Variants in WDFY3 observed in about 807,000 individuals in gnomAD.
The protein encoded by WDFY3 is WD repeat and FYVE domain-containing protein 3.
WDFY3 carries 66 observed loss-of-function variants against 409.6 expected under a neutral mutation model. That is an observed-to-expected ratio of 0.16 (90% CI 0.13 to 0.20). The LOEUF is 0.20. Ranked by LOEUF, WDFY3 falls within the 10% of genes least tolerant of loss-of-function variation. The pLI is 1.00. For synonymous variants in WDFY3, 1,521 were observed against 1,537.1 expected (o/e 0.99, Z 0.25); for missense variants, 3,031 against 4,298.1 (o/e 0.71, Z 8.24).
intron 5 of WDFY3, among the ~76,000 whole-genome samples, chr4:84,842,016 C>G (rs543249551): frequency 3.3e-5 from 5 of 152,212 alleles, no homozygotes; most frequent in South Asian, 4.1e-4. Flanking sequence ...GACAGCCAAT[C>G]ACAGAACTGC....
intron 33 of WDFY3, among the ~76,000 whole-genome samples, chr4:84,755,894 T>C (rs1167209842): frequency 2.0e-5 from 3 of 152,212 alleles, no homozygotes; most frequent in East Asian, 1.9e-4. Context: ...ACCATGGATA[T>C]TGAAAAATTG....
intron 1 of WDFY3, chr4:84,965,687 G>C (rs1328527900): frequency 6.6e-6 from 1 of 152,286 alleles, no homozygotes; most frequent in Non-Finnish European, 1.5e-5. Context: ...CGTAGGGGGA[G>C]AGGCCCGAAG....
In WDFY3 at chr4:84,895,886, A is replaced by T. The variant is rs79851563; in HGVS notation, c.-32+1025T>A. Among the ~76,000 whole-genome samples the T allele has an allele frequency of 4.3e-3, 658 of 152,322 alleles. 4 individuals carry two copies. Among genetic ancestry groups the T allele is most frequent in the African/African-American group, 0.014 (575 of 41,568 alleles). The stretch of plus-strand genomic sequence containing the variant: ...GATACGAACAATGGTAGTGCCATTA[A>T]TTAAGCTGGAAATAAATTGAAGGAA... On this transcript the variant is annotated intron_variant, in intron 3 of 67. Coordinates refer to ENST00000295888, the MANE Select transcript of WDFY3 (RefSeq NM_014991.6).
Position 84,810,273 on chromosome 4 carries a change from G to A in WDFY3, c.1959C>T (p.Tyr653=), listed in dbSNP as rs199801917. 46 of 1,613,020 alleles carry A rather than the reference G, an allele frequency of 2.9e-5. No homozygotes were observed. The African/African-American group carries it at 4.4e-4, about 15-fold the overall frequency. ...TVFRKVGGFV[Y]ITSLLVAMER... ...CCATAGCAACGAGCAAGGATGTAAT[G>A]TACACAAATCCTCCAACTTTCCTAA... The change falls in exon 14 of 68, where the codon TAC becomes TAT. Residue 653 remains tyrosine, a synonymous_variant. Transcript: ENST00000295888.
intron 37 of WDFY3, among the ~76,000 whole-genome samples, chr4:84,742,419 T>C (rs953221829): frequency 6.6e-6 from 1 of 152,148 alleles, no homozygotes; most frequent in Non-Finnish European, 1.5e-5. Context: ...AGCCCCTCCA[T>C]CATTACCATC....
chr4:84,938,841 T>C (rs914807430), intron 1 of WDFY3, among the ~76,000 whole-genome samples: 1 of 152,054 alleles, frequency 6.6e-6, no homozygotes, highest in African/African-American at 2.4e-5. Context: ...CTGGAGCAAA[T>C]GAGAATAAAC....
intron 32 of WDFY3, among the ~76,000 whole-genome samples, chr4:84,761,171 T>TA (rs1742519765): frequency 6.6e-6 from 1 of 151,922 alleles, no homozygotes. Flanking sequence ...GTCTGAGAGA[T>TA]AGTTTGTTAT....
At chr4:84,776,814 T>C (rs978079418) in intron 27 of WDFY3, among the ~76,000 whole-genome samples, 3 of 152,094 alleles carry the variant, frequency 2.0e-5, no homozygotes, top group Non-Finnish European at 2.9e-5. Flanking sequence ...GTGTACTTTA[T>C]AGTGTAGAAA....
intron 21 of WDFY3, among the ~76,000 whole-genome samples, chr4:84,790,219 G>A (rs367849799): frequency 7.2e-5 from 11 of 151,762 alleles, no homozygotes; most frequent in South Asian, 6.2e-4. Flanking sequence ...GTATGGTGGC[G>A]CGCGTCTGTA....
chr4:84,710,649 C>T (rs777177242), intron 51 of WDFY3, among the ~76,000 whole-genome samples: 7 of 152,090 alleles, frequency 4.6e-5, no homozygotes, highest in Non-Finnish European at 1.0e-4. Flanking sequence ...TCTTCAACAT[C>T]GTAAGAAAGA....
At chr4:84,795,124 C>A in intron 19 of WDFY3, 145 bp from the exon 20 acceptor site, 1 of 477,972 alleles carries the variant, frequency 2.1e-6, no homozygotes, top group Non-Finnish European at 3.5e-6. Flanking sequence ...TCGCAAAGCC[C>A]TTCCCTTCTT....
intron 7 of WDFY3, among the ~76,000 whole-genome samples, chr4:84,834,053 C>A (rs1312067339): frequency 6.6e-6 from 1 of 151,998 alleles, no homozygotes; most frequent in Non-Finnish European, 1.5e-5. Flanking sequence ...CAGTTAAATG[C>A]AACAAAAAAG....
intron 2 of WDFY3, among the ~76,000 whole-genome samples, chr4:84,920,690 C>G (rs954254450): frequency 6.6e-6 from 1 of 152,182 alleles, no homozygotes; most frequent in Non-Finnish European, 1.5e-5. Context: ...AATTCCTACA[C>G]AGCTGAACAG....
At chr4:84,837,677 C>G (rs1756779440) in intron 6 of WDFY3, among the ~76,000 whole-genome samples, 1 of 152,170 alleles carries the variant, frequency 6.6e-6, no homozygotes, top group African/African-American at 2.4e-5. Flanking sequence ...AGGAGAAACT[C>G]TAGACCTTCT....
chr4:84,882,687 T>A (rs1469183220), intron 3 of WDFY3, among the ~76,000 whole-genome samples: 2 of 152,060 alleles, frequency 1.3e-5, no homozygotes, highest in Non-Finnish European at 2.9e-5. Flanking sequence ...TTTATACCCT[T>A]TGTTAATCAG....
In WDFY3 at chr4:84,914,748, A is replaced by C. The variant is rs145628410; in HGVS notation, c.-132+17522T>G. On this transcript the variant is annotated intron_variant, in intron 2 of 67. Transcript: ENST00000295888. ...CTCATGTATTGCTAGAAAAATGCAA[A>C]ATGGTGCAGCCACTGTGGAAAGCAA... 1.7e-4 allele frequency among the ~76,000 whole-genome samples: 26 copies of C among 152,310 alleles called. No homozygotes were observed. In the East Asian group the frequency reaches 4.8e-3, roughly 28 times the overall value.
At chr4:84,941,263 G>A (rs903988966) in intron 1 of WDFY3, among the ~76,000 whole-genome samples, 5 of 151,778 alleles carry the variant, frequency 3.3e-5, no homozygotes, top group Non-Finnish European at 7.4e-5. Context: ...AGTTAATAAG[G>A]GAACTTGGCA....
intron 51 of WDFY3, 22 bp from the exon 52 acceptor site, chr4:84,709,369 A>G (rs748749386): frequency 1.1e-5 from 17 of 1,576,576 alleles, no homozygotes; most frequent in Non-Finnish European, 1.4e-5. Flanking sequence ...ACATAATACA[A>G]TAAATTACAA....
In WDFY3 at chr4:84,784,787, G is replaced by A. The variant is rs1403217679; in HGVS notation, c.4062+1192C>T. Among the ~76,000 whole-genome samples, 21 of 145,544 alleles carry A rather than the reference G, an allele frequency of 1.4e-4. No homozygotes were observed. The East Asian group carries it at 1.6e-3, about 11-fold the overall frequency. Reference sequence around the variant, plus strand: ...CAGGAGACAGAGGTTGCAGTGAGCCGAGATCACACCATTGCACTCTAGCCT... The same window carrying A: ...CAGGAGACAGAGGTTGCAGTGAGCCAAGATCACACCATTGCACTCTAGCCT... On this transcript the variant is annotated intron_variant, in intron 24 of 67. Coordinates refer to ENST00000295888, the MANE Select transcript of WDFY3 (RefSeq NM_014991.6).
Sources: allele counts gnomAD v4.1 joint callset (sites outside exome capture counted in the v4.1 genomes callset), GRCh38; gene constraint gnomAD v4.1.1; transcripts MANE v1.5; gene names NCBI Gene and HGNC (gene_info 2026-07-23, HGNC 2026-07-21).